SLC6A6: variants seen among roughly 807,000 people sequenced by gnomAD.
SLC6A6 encodes the protein sodium- and chloride-dependent taurine transporter.
A neutral mutation model predicts 68.8 loss-of-function variants in SLC6A6; 16 were observed. That is an observed-to-expected ratio of 0.23 (90% CI 0.16 to 0.35). The LOEUF (loss-of-function observed/expected upper bound fraction) is 0.35, where lower values mean the gene tolerates loss of function less well. Ranked by LOEUF, SLC6A6 falls within the 10% of genes least tolerant of loss-of-function variation. SLC6A6 has a pLI of 1.00. For synonymous variants in SLC6A6, 312 were observed against 315.4 expected, an observed-to-expected ratio of 0.99 and a Z score of 0.12; for missense variants, 474 against 802.8, an observed-to-expected ratio of 0.59 and a Z score of 4.95.
At chr3:14,421,594 T>TA (rs1559287719) in intron 2 of SLC6A6, among the ~76,000 whole-genome samples, 1 of 152,228 alleles carries the variant, frequency 6.6e-6, no homozygotes. Flanking sequence ...GTATTGTGAT[T>TA]ATGTTTGGTG....
intron 2 of SLC6A6, among the ~76,000 whole-genome samples, chr3:14,426,922 C>T (rs937820247): frequency 1.3e-5 from 2 of 152,094 alleles, no homozygotes; most frequent in Admixed American, 1.3e-4. Context: ...CCAGAAACGG[C>T]GTGGCGATGG....
chr3:14,461,184 C>G (rs1186903571), intron 6 of SLC6A6, among the ~76,000 whole-genome samples: 2 of 152,256 alleles, frequency 1.3e-5, no homozygotes, highest in East Asian at 1.9e-4. Flanking sequence ...AGCGCAGTAG[C>G]CTGTGAGTGC....
At chr3:14,470,565 C>A (rs1365700127) in intron 9 of SLC6A6, among the ~76,000 whole-genome samples, 1 of 152,078 alleles carries the variant, frequency 6.6e-6, no homozygotes, top group Non-Finnish European at 1.5e-5. Flanking sequence ...CAGAAACGAG[C>A]GAATTGAGAA....
chr3:14,415,085 T>C lies in SLC6A6; in HGVS notation c.-53-1327T>C, dbSNP rs144049229. Among the ~76,000 whole-genome samples, 27 of 152,330 alleles carry C rather than the reference T, an allele frequency of 1.8e-4. No homozygotes were observed. The East Asian group carries it at 4.1e-3, about 23-fold the overall frequency. ...ACTTCACAGAGCCTAGAATGAAGCC[T>C]TGATGGCCTCTCATGTGCCCAGCCT... On this transcript the variant is annotated intron_variant, in intron 1 of 14. Coordinates refer to ENST00000622186, the MANE Select transcript of SLC6A6 (RefSeq NM_003043.6).
chr3:14,453,433 G>T (rs1700299819), intron 5 of SLC6A6, among the ~76,000 whole-genome samples: 1 of 152,228 alleles, frequency 6.6e-6, no homozygotes, highest in Non-Finnish European at 1.5e-5. Flanking sequence ...TGGCCCCAGG[G>T]TGGCATCAGT....
At chr3:14,478,439 G>T in intron 11 of SLC6A6, 27 bp from the exon 12 acceptor site, 1 of 1,448,188 alleles carries the variant, frequency 6.9e-7, no homozygotes, top group South Asian at 1.2e-5. Flanking sequence ...GTAGGAAATC[G>T]ACCTTCTGTG....
chr3:14,434,402 A>G (rs930336), intron 2 of SLC6A6, among the ~76,000 whole-genome samples: 119,189 of 152,128 alleles, frequency 0.78, 47,121 homozygotes, highest in African/African-American at 0.89. Flanking sequence ...GGGCACTGTC[A>G]TAAATAATTG....
intron 2 of SLC6A6, among the ~76,000 whole-genome samples, chr3:14,422,304 CCA>C (rs1485480113): frequency 6.6e-6 from 1 of 152,144 alleles, no homozygotes; most frequent in African/African-American, 2.4e-5. Context: ...ACTCATGTCT[CCA>C]CACACTTGCT....
intron 12 of SLC6A6, 97 bp from the exon 13 acceptor site, chr3:14,478,988 A>G: frequency 1.3e-6 from 1 of 744,136 alleles, no homozygotes; most frequent in South Asian, 1.5e-5. Context: ...GGAGATGCAG[A>G]GGCCTGGATC....
Position 14,472,382 on chromosome 3 carries a change from C to A in SLC6A6, c.1209+65C>A. ...GGGAACCTGACTCTGGGAAAGACTC[C>A]TTATTCCACCTGGGAGGTGGTCAAC... On this transcript the variant is annotated intron_variant, in intron 10 of 14. Transcript: ENST00000622186. This position sits in a 1 kb window ranked among gnomAD's most constrained non-coding sequence, Gnocchi z 4.5. The A allele has an allele frequency of 2.1e-6, 2 of 972,942 alleles. No homozygotes were observed. Among genetic ancestry groups the A allele is most frequent in the Non-Finnish European group, 3.3e-6 (2 of 603,786 alleles). The allele number at this position is 972,942 out of a possible 1,614,324, so 60.3% of individuals were successfully genotyped here.
intron 4 of SLC6A6, among the ~76,000 whole-genome samples, chr3:14,446,408 C>T (rs1008281560): frequency 1.3e-5 from 2 of 152,174 alleles, no homozygotes; most frequent in Non-Finnish European, 2.9e-5. Context: ...GCTGGGGACT[C>T]CACAAGGGGC....
chr3:14,408,024 G>A (rs961961742), intron 1 of SLC6A6, among the ~76,000 whole-genome samples: 1 of 151,876 alleles, frequency 6.6e-6, no homozygotes, highest in African/African-American at 2.4e-5. Context: ...TGCTGTTGAT[G>A]GACATTTGGG....
chr3:14,480,413 G>C (rs1700980229), intron 13 of SLC6A6, among the ~76,000 whole-genome samples: 1 of 152,210 alleles, frequency 6.6e-6, no homozygotes, highest in Admixed American at 6.5e-5. Context: ...GAGATAGGCT[G>C]CATTCCCAGG....
At chr3:14,434,796 C>T (rs1314967353) in intron 2 of SLC6A6, among the ~76,000 whole-genome samples, 2 of 152,186 alleles carry the variant, frequency 1.3e-5, no homozygotes, top group East Asian at 1.9e-4. Flanking sequence ...GCCTCCACCC[C>T]TCCCCCTGCA....
chr3:14,438,008 T>G (rs1353269411), intron 2 of SLC6A6, among the ~76,000 whole-genome samples: 1 of 147,904 alleles, frequency 6.8e-6, no homozygotes, highest in Non-Finnish European at 1.5e-5. Flanking sequence ...TTTTTTTTTT[T>G]TTTTTTTTGT....
At chr3:14,475,389 C>T (rs7625751) in intron 10 of SLC6A6, among the ~76,000 whole-genome samples, 5 of 152,142 alleles carry the variant, frequency 3.3e-5, no homozygotes, top group African/African-American at 1.2e-4. Context: ...ACCCACTCCT[C>T]CTGCAACCAA....
chr3:14,419,818 C>G (rs1352849284), intron 2 of SLC6A6, among the ~76,000 whole-genome samples: 1 of 152,224 alleles, frequency 6.6e-6, no homozygotes, highest in Middle Eastern at 3.4e-3. Context: ...CTCCCCACCC[C>G]CTCAGCTATG....
chr3:14,441,996 A>G (rs144228506), intron 2 of SLC6A6, among the ~76,000 whole-genome samples: 3 of 152,308 alleles, frequency 2.0e-5, no homozygotes, highest in African/African-American at 7.2e-5. Flanking sequence ...ATTGAACAAG[A>G]TACTTTCAGG....
chr3:14,456,299 C>T (rs1475234725), intron 5 of SLC6A6, among the ~76,000 whole-genome samples: 3 of 152,238 alleles, frequency 2.0e-5, no homozygotes, highest in African/African-American at 4.8e-5. Context: ...AAGAAGAGGG[C>T]AAAGAAAAGC....
Sources: allele counts gnomAD v4.1 joint callset (sites outside exome capture counted in the v4.1 genomes callset), GRCh38; gene constraint gnomAD v4.1.1; non-coding constraint Gnocchi (gnomAD v3.1); transcripts MANE v1.5; gene names NCBI Gene and HGNC (gene_info 2026-07-23, HGNC 2026-07-21).